Variants in PCNX2 observed in about 807,000 individuals in gnomAD.
PCNX2 encodes pecanex 2.
Under a neutral mutation model 223.8 loss-of-function variants are expected in PCNX2, and 168 were observed. The observed-to-expected ratio is 0.75, with a 90% confidence interval of 0.66 to 0.85. The LOEUF is 0.85. PCNX2 is among the 40% of genes least tolerant of loss of function. The pLI is 0.00. For synonymous variants in PCNX2, 1,006 were observed against 1,052.6 expected (o/e 0.96, Z 0.86); for missense variants, 2,507 against 2,675.5 (o/e 0.94, Z 1.39).
At chr1:233,061,861 C>T (rs1356764743) in intron 23 of PCNX2, among the ~76,000 whole-genome samples, 1 of 152,010 alleles carries the variant, frequency 6.6e-6, no homozygotes, top group African/African-American at 2.4e-5. Context: ...TGGGTTCAAG[C>T]GATTCCCCTG....
At chr1:232,992,134 C>A (rs1669724524) in intron 32 of PCNX2, among the ~76,000 whole-genome samples, 1 of 152,234 alleles carries the variant, frequency 6.6e-6, no homozygotes, top group Non-Finnish European at 1.5e-5. Context: ...CTTGTTCAAT[C>A]TCCCCTGTCT....
chr1:233,234,099 C>T (rs1347813742), intron 9 of PCNX2, among the ~76,000 whole-genome samples: 1 of 152,122 alleles, frequency 6.6e-6, no homozygotes, highest in Non-Finnish European at 1.5e-5. Flanking sequence ...GGCTGTTAAA[C>T]TTCTTGTAGG....
intron 1 of PCNX2, among the ~76,000 whole-genome samples, chr1:233,284,253 T>C (rs754235091): frequency 4.6e-5 from 7 of 152,150 alleles, no homozygotes; most frequent in Non-Finnish European, 1.0e-4. Context: ...CATGGGAGAA[T>C]GTTCTTTTCC....
At chr1:233,074,423 T>A in intron 23 of PCNX2, among the ~76,000 whole-genome samples, 1 of 150,766 alleles carries the variant, frequency 6.6e-6, no homozygotes, top group Non-Finnish European at 1.5e-5. Context: ...TGAAACCCCG[T>A]CTCTACTAAA....
chr1:233,092,232 G>T (rs1673908035), intron 22 of PCNX2, among the ~76,000 whole-genome samples: 1 of 152,308 alleles, frequency 6.6e-6, no homozygotes, highest in South Asian at 2.1e-4. Flanking sequence ...GTGTGATGGG[G>T]CTTGCAGAGG....
chr1:233,223,323 G>T (rs1344124895), intron 10 of PCNX2, among the ~76,000 whole-genome samples: 1 of 152,128 alleles, frequency 6.6e-6, no homozygotes, highest in Non-Finnish European at 1.5e-5. Context: ...AGCCTGAATG[G>T]GACAGGATTA....
At chr1:233,073,972 G>A (rs181433664) in intron 23 of PCNX2, among the ~76,000 whole-genome samples, 113 of 152,084 alleles carry the variant, frequency 7.4e-4, no homozygotes, top group South Asian at 1.2e-3. Context: ...TCTGAGAACT[G>A]CTTTTCCTAC....
the PCNX2 span, among the ~76,000 whole-genome samples, chr1:233,325,595 G>A: frequency 3.3e-5 from 5 of 151,986 alleles, no homozygotes; most frequent in Non-Finnish European, 7.4e-5. Flanking sequence ...AGAATGCCGC[G>A]AACCCAGGAG....
chr1:232,992,488 G>A (rs773503635), intron 32 of PCNX2, among the ~76,000 whole-genome samples: 4 of 152,220 alleles, frequency 2.6e-5, no homozygotes, highest in Non-Finnish European at 5.9e-5. Flanking sequence ...CACACTCAGT[G>A]TTCAGTAATG....
chr1:233,165,146 A>T (rs561230628), intron 17 of PCNX2, among the ~76,000 whole-genome samples: 1 of 152,362 alleles, frequency 6.6e-6, no homozygotes, highest in East Asian at 1.9e-4. Flanking sequence ...AAATGTGTAC[A>T]ATTATTGTCA....
chr1:233,006,220 C>T (rs1354216522), intron 28 of PCNX2, among the ~76,000 whole-genome samples: 1 of 152,160 alleles, frequency 6.6e-6, no homozygotes, highest in African/African-American at 2.4e-5. Flanking sequence ...GAGGAGCTAA[C>T]ACTTGAGGAC....
At chr1:233,291,709 C>T (rs761607254) in intron 1 of PCNX2, 50 of 985,146 alleles carry the variant, frequency 5.1e-5, no homozygotes, top group Non-Finnish European at 6.0e-5. Context: ...GCCCATATGC[C>T]CCTGCTGTAA....
At chr1:233,277,194 G>A (rs1389000966) in intron 1 of PCNX2, among the ~76,000 whole-genome samples, 1 of 152,182 alleles carries the variant, frequency 6.6e-6, no homozygotes, top group Non-Finnish European at 1.5e-5. Flanking sequence ...CTGGGAAGGT[G>A]GGACTGTCAG....
chr1:233,106,511 C>T (rs1292896516), intron 21 of PCNX2, among the ~76,000 whole-genome samples: 1 of 152,026 alleles, frequency 6.6e-6, no homozygotes, highest in Non-Finnish European at 1.5e-5. Flanking sequence ...TGCCACCACA[C>T]CTGGCTAACT....
At chr1:233,131,354 T>G (rs1676494170) in intron 21 of PCNX2, among the ~76,000 whole-genome samples, 1 of 151,590 alleles carries the variant, frequency 6.6e-6, no homozygotes, top group African/African-American at 2.4e-5. Flanking sequence ...AGAAAGCCCC[T>G]AGGAAATACA....
Position 233,000,812 on chromosome 1 carries a change from T to G in PCNX2, c.5098-277A>C, listed in dbSNP as rs372154004. On this transcript the variant is annotated intron_variant, in intron 29 of 33. Coordinates refer to ENST00000258229, the MANE Select transcript of PCNX2 (RefSeq NM_014801.4). This position sits in a 1 kb window ranked among gnomAD's most constrained non-coding sequence, Gnocchi z 4.6. ...ATATAGGTTGGGCACTTTTGCTAAG[T>G]CATTGTCTCTGCACAATACCCATCT... is the stretch of plus-strand genomic sequence containing the variant. 1.3e-5 allele frequency among the ~76,000 whole-genome samples: 2 copies of G among 152,230 alleles called. No homozygotes were observed. The highest frequency in any genetic ancestry group is 4.8e-5 in the African/African-American group (2 of 41,456).
At chr1:233,141,303 G>A (rs1449395151) in intron 19 of PCNX2, among the ~76,000 whole-genome samples, 1 of 152,138 alleles carries the variant, frequency 6.6e-6, no homozygotes, top group Non-Finnish European at 1.5e-5. Flanking sequence ...TACTTGATAT[G>A]GCTCATATTT....
chr1:233,302,645 CATATAT>C, the PCNX2 span, among the ~76,000 whole-genome samples: 2 of 147,468 alleles, frequency 1.4e-5, no homozygotes, highest in Admixed American at 6.7e-5. Flanking sequence ...CTCCTTCCAT[CATATAT>C]ATATATATAC....
At chr1:233,222,596 T>C (rs1239241517) in intron 10 of PCNX2, among the ~76,000 whole-genome samples, 1 of 152,138 alleles carries the variant, frequency 6.6e-6, no homozygotes, top group Non-Finnish European at 1.5e-5. Context: ...GAAGATGCTA[T>C]TGCAGTAACC....
Sources: allele counts gnomAD v4.1 joint callset (sites outside exome capture counted in the v4.1 genomes callset), GRCh38; gene constraint gnomAD v4.1.1; non-coding constraint Gnocchi (gnomAD v3.1); transcripts MANE v1.5; gene names NCBI Gene and HGNC (gene_info 2026-07-23, HGNC 2026-07-21).